SORL1: variants seen among roughly 807,000 people sequenced by gnomAD.
SORL1 encodes the protein sortilin related receptor 1.
Under a neutral mutation model 273.7 loss-of-function variants are expected in SORL1, and 127 were observed. The ratio of observed to expected loss-of-function variants is 0.46; its 90% CI spans 0.40 to 0.54. SORL1 has a LOEUF of 0.54. Ranked by LOEUF, SORL1 falls within the 20% of genes least tolerant of loss-of-function variation. The pLI is 0.00. For missense variants in SORL1, 2,494 were observed against 2,846.1 expected (o/e 0.88, Z 2.81); for synonymous variants, 1,031 against 1,067.4 (o/e 0.97, Z 0.66).
rs185054627 is a variant in SORL1, at chr11:121,612,792, G to A, written c.5379G>A (p.Arg1793=). 6.2e-7 allele frequency: 1 copy of A among 1,614,098 alleles called. No homozygotes were observed. Among genetic ancestry groups the A allele is most frequent in the East Asian group, 2.2e-5 (1 of 44,886 alleles). Residue 1793 remains arginine (R), a synonymous_variant, in exon 40 of 48, where the codon AGG becomes AGA. Transcript: ENST00000260197. ...CATTTGACACCCACAAGCAAGAGAGGAGAACTTTGAACTTCCGAGGAAGCA... is the reference window on the plus strand; with the variant it reads ...CATTTGACACCCACAAGCAAGAGAGAAGAACTTTGAACTTCCGAGGAAGCA... ...FWAFDTHKQE[R]RTLNFRGSIL...
At position 121,608,053 on chromosome 11, in the gene SORL1, G is replaced by A. The variant is rs56758695; in HGVS notation, c.5167-51G>A. ...TCATTCAGTATTCTTACTGTATGGT[G>A]TATGGTGTATTGCCTTTATTTCATA... is the stretch of plus-strand genomic sequence containing the variant. On this transcript the variant is annotated intron_variant, in intron 37 of 47. Coordinates refer to ENST00000260197, the MANE Select transcript of SORL1 (RefSeq NM_003105.6). 2.4e-3 allele frequency: 3,497 copies of A among 1,478,506 alleles called. 66 individuals carry two copies. The African/African-American group carries it at 0.042, about 18-fold the overall frequency. The allele number at this position is 1,478,506 out of a possible 1,614,324, so 91.6% of individuals were successfully genotyped here.
chr11:121,558,876 G>A lies in SORL1; in HGVS notation c.2910+39G>A, dbSNP rs202028765. On this transcript the variant is annotated intron_variant, in intron 20 of 47. Coordinates refer to ENST00000260197, the MANE Select transcript of SORL1 (RefSeq NM_003105.6). ...TTGCTGCCGGACAGTCTGCTAGAGC[G>A]GGTGAGGAGCATATGAGATCAGGAG... The A allele has an allele frequency of 7.4e-6, 12 of 1,610,752 alleles. No individual in the cohort carries two copies. In the East Asian group the frequency reaches 1.8e-4, roughly 24 times the overall value.
At chr11:121,477,114 C>G (rs1041871414) in intron 2 of SORL1, among the ~76,000 whole-genome samples, 1 of 152,134 alleles carries the variant, frequency 6.6e-6, no homozygotes, top group Non-Finnish European at 1.5e-5. Context: ...AATGCTCATC[C>G]TAATCCCCTT....
intron 3 of SORL1, among the ~76,000 whole-genome samples, chr11:121,484,971 T>G (rs994444344): frequency 6.6e-6 from 1 of 152,178 alleles, no homozygotes; most frequent in Admixed American, 6.5e-5. Context: ...GCCAGGCTGG[T>G]CTCGAACCCC....
chr11:121,528,151 A>G (rs562030280), intron 11 of SORL1, among the ~76,000 whole-genome samples: 2 of 152,240 alleles, frequency 1.3e-5, no homozygotes, highest in South Asian at 2.1e-4. Context: ...TTAAGTTCAG[A>G]GTATATTTAA....
intron 25 of SORL1, among the ~76,000 whole-genome samples, chr11:121,579,605 C>T (rs1272105089): frequency 6.6e-6 from 1 of 152,176 alleles, no homozygotes; most frequent in Non-Finnish European, 1.5e-5. Context: ...CATCTTTCCT[C>T]TCTCCTAGAT....
chr11:121,605,418 A>G lies in SORL1; in HGVS notation c.4795A>G (p.Ile1599Val). ...NVYYRVVGES[I>V]WKTLETHSNK... ...TTGGGCCAGGGTGGTTGGAGAGAGCATATGGAAGACTCTGGAGACCCACAG... is the reference window on the plus strand; with the variant it reads ...TTGGGCCAGGGTGGTTGGAGAGAGCGTATGGAAGACTCTGGAGACCCACAG... Residue 1599 changes from isoleucine to valine, a missense_variant, in exon 35 of 48, where the codon ATA becomes GTA. By Grantham distance (29) the Ile-to-Val change is conservative (BLOSUM62 3). Around this residue, in one of 3 missense-constraint regions of SORL1, gnomAD observed 1,609 missense variants for 1,816.4 expected, o/e 0.89. Transcript: ENST00000260197. The G allele has an allele frequency of 1.2e-6, 2 of 1,613,200 alleles. No homozygotes were observed. Among genetic ancestry groups the G allele is most frequent in the Non-Finnish European group, 1.7e-6 (2 of 1,179,258 alleles).
At position 121,550,219 on chromosome 11, in the gene SORL1, T is replaced by G. The variant is rs984786592; in HGVS notation, c.2180+131T>G. On this transcript the variant is annotated intron_variant, in intron 15 of 47. Transcript: ENST00000260197. This position sits in a 1 kb window ranked among gnomAD's most constrained non-coding sequence, Gnocchi z 5.3. ...CCAAGTTAACAGCCTGCAAGTAGTT[T>G]GGGCAACATTATAAATTATGGTATT... 1.1e-6 allele frequency: 1 copy of G among 904,670 alleles called. No homozygotes were observed. Among genetic ancestry groups the G allele is most frequent in the Admixed American group, 3.1e-5 (1 of 32,008 alleles). 56.0% of individuals were successfully genotyped at this position (904,670 alleles called of 1,614,324 possible).
rs76446040 is a variant in SORL1 at position 121,592,484 on chromosome 11, C to T, written c.4369+1328C>T. 1.0e-2 allele frequency among the ~76,000 whole-genome samples: 1,519 copies of T among 152,356 alleles called. 10 individuals are homozygous for T. Among genetic ancestry groups the T allele is most frequent in the Middle Eastern group, 0.048 (14 of 294 alleles). ...ATTATTCTCCTTTCAAGCTCCACCT[C>T]TGTGGCGCTTTCACTGATTCCTTTA... On this transcript the variant is annotated intron_variant, in intron 31 of 47. Coordinates refer to ENST00000260197, the MANE Select transcript of SORL1 (RefSeq NM_003105.6).
chr11:121,538,589 C>G (rs997432596), intron 12 of SORL1, among the ~76,000 whole-genome samples: 2 of 152,142 alleles, frequency 1.3e-5, no homozygotes, highest in Non-Finnish European at 2.9e-5. Flanking sequence ...TGTTCCCCGT[C>G]CTGTATTTGA....
At chr11:121,576,751 G>C in intron 24 of SORL1, 3 of 1,469,078 alleles carry the variant, frequency 2.0e-6, no homozygotes, top group Non-Finnish European at 2.7e-6. Flanking sequence ...TGTCCCTGGA[G>C]CTCTGCCCAC....
At chr11:121,479,355 G>A (rs775678634) in intron 3 of SORL1, among the ~76,000 whole-genome samples, 135 of 152,230 alleles carry the variant, frequency 8.9e-4, no homozygotes, top group Non-Finnish European at 3.5e-4. Context: ...GATCTTCTAC[G>A]GAAAGACCCT....
rs185603353 is a variant in SORL1, at chr11:121,546,120, C to G, written c.2051+691C>G. 2.5e-3 allele frequency among the ~76,000 whole-genome samples: 380 copies of G among 152,220 alleles called. 1 individual carries two copies. Among genetic ancestry groups the G allele is most frequent in the Non-Finnish European group, 4.3e-3 (292 of 68,004 alleles). ...TTTGAGACCATGTGTCTGCAACAGT[C>G]AGGTGTAGAGGCAGCAGGGTGTGGT... On this transcript the variant is annotated intron_variant, in intron 14 of 47. Coordinates refer to ENST00000260197, the MANE Select transcript of SORL1 (RefSeq NM_003105.6).
At position 121,583,517 on chromosome 11, in the gene SORL1, C is replaced by G; in HGVS notation, c.3640C>G (p.Gln1214Glu). 1.2e-6 allele frequency: 2 copies of G among 1,613,084 alleles called. No individual in the cohort carries two copies. Among genetic ancestry groups the G allele is most frequent in the Middle Eastern group, 3.3e-4 (2 of 6,060 alleles). ...FQCRNGHCIP[Q>E]RWACDGDTDC... ...GTGCCGAAACGGGCACTGCATCCCC[C>G]AGCGGTGGGCGTGTGACGGGGATAC... is the stretch of plus-strand genomic sequence containing the variant. Residue 1214 changes from glutamine (Q) to glutamate (E), a missense_variant, in exon 26 of 48, where the codon CAG becomes GAG. Transcript: ENST00000260197.
chr11:121,532,588 T>A, intron 12 of SORL1, 36 bp downstream of exon 12: 1 of 1,546,732 alleles, frequency 6.5e-7, no homozygotes, highest in Non-Finnish European at 8.9e-7. Flanking sequence ...AACATCAAAC[T>A]TTCTCCCAGA....
chr11:121,454,804 C>A (rs934596185), intron 1 of SORL1, among the ~76,000 whole-genome samples: 2 of 152,068 alleles, frequency 1.3e-5, no homozygotes, highest in Non-Finnish European at 2.9e-5. Context: ...TTTGAGGTGC[C>A]CCTCTTGGAA....
At chr11:121,588,553 G>T (rs1203660524) in intron 28 of SORL1, among the ~76,000 whole-genome samples, 2 of 152,118 alleles carry the variant, frequency 1.3e-5, no homozygotes, top group Admixed American at 1.3e-4. Context: ...CCCCAATTTG[G>T]ACCTGTCTGT....
intron 11 of SORL1, among the ~76,000 whole-genome samples, chr11:121,525,048 G>A (rs913181897): frequency 2.6e-5 from 4 of 152,054 alleles, no homozygotes; most frequent in South Asian, 2.1e-4. Flanking sequence ...AATTATGGTC[G>A]CCACAATTAA....
At chr11:121,587,491 C>A (rs2134895513) in intron 27 of SORL1, among the ~76,000 whole-genome samples, 1 of 152,240 alleles carries the variant, frequency 6.6e-6, no homozygotes, top group Middle Eastern at 3.4e-3. Context: ...GAGTTTAGGC[C>A]CCATTCTTAT....
Sources: gnomAD v4.1 joint callset for allele counts (sites outside exome capture counted in the v4.1 genomes callset) on GRCh38, gnomAD v4.1.1 for gene constraint, gnomAD v4.1.1 regional missense constraint, Gnocchi (gnomAD v3.1) non-coding constraint, MANE v1.5 for transcripts, NCBI Gene and HGNC (gene_info 2026-07-23, HGNC 2026-07-21) for gene names.